The following BAHD1 variants were observed in gnomAD, a reference collection of about 807,000 sequenced individuals.
BAHD1 encodes the protein bromo adjacent homology domain containing 1, also known as bromo adjacent homology domain-containing 1 protein.
BAHD1 carries 20 observed loss-of-function variants against 63.1 expected under a neutral mutation model. The ratio of observed to expected loss-of-function variants is 0.32; its 90% CI spans 0.22 to 0.46. The LOEUF (loss-of-function observed/expected upper bound fraction) is 0.46. Among genes scored for constraint, BAHD1 ranks in the 20% least tolerant of loss-of-function variants. BAHD1 has a pLI of 1.00. For synonymous variants in BAHD1, 408 were observed against 426.8 expected, an observed-to-expected ratio of 0.96 and a Z score of 0.54; for missense variants, 939 against 1,071.8, an observed-to-expected ratio of 0.88 and a Z score of 1.73.
In BAHD1 at chr15:40,467,992, A is replaced by T. The variant is rs777730689; in HGVS notation, c.*1862A>T. On this transcript the variant is annotated 3_prime_UTR_variant, in exon 7 of 7. Coordinates refer to ENST00000416165, the MANE Select transcript of BAHD1 (RefSeq NM_014952.5). ...CTTTTGAAATCTCTTAGATGTGGAA[A>T]TATTTTTTCGAACCTGAAAATGCAG... The T allele has an allele frequency of 6.6e-6, 1 of 152,648 alleles. No homozygotes were observed. Among genetic ancestry groups the T allele is most frequent in the Non-Finnish European group, 1.5e-5 (1 of 68,046 alleles). The allele number at this position is 152,648 out of a possible 1,614,324, so 9.5% of individuals were successfully genotyped here.
chr15:40,456,977 T>C (rs1322570525), intron 1 of BAHD1, among the ~76,000 whole-genome samples: 1 of 152,204 alleles, frequency 6.6e-6, no homozygotes, highest in African/African-American at 2.4e-5. Flanking sequence ...CAGCTTCCAG[T>C]GCACAGCCAG....
chr15:40,465,077 G>T, intron 5 of BAHD1: 1 of 529,610 alleles, frequency 1.9e-6, no homozygotes, highest in Non-Finnish European at 3.4e-6. Context: ...ACGCTAGGCA[G>T]GGCTGGGGTT....
At chr15:40,456,114 G>A (rs560415510) in intron 1 of BAHD1, among the ~76,000 whole-genome samples, 111 of 152,220 alleles carry the variant, frequency 7.3e-4, no homozygotes, top group African/African-American at 2.2e-3. Context: ...CTGGGACTAC[G>A]GGCTCATGCC....
chr15:40,462,896 T>C (rs1010646871), intron 3 of BAHD1, among the ~76,000 whole-genome samples: 1 of 151,894 alleles, frequency 6.6e-6, no homozygotes, highest in Non-Finnish European at 1.5e-5. Flanking sequence ...ATTGCTTAGG[T>C]CCAGGAGTTC....
chr15:40,464,050 G>A (rs1385848060), intron 4 of BAHD1, 30 bp downstream of exon 4: 1 of 1,610,952 alleles, frequency 6.2e-7, no homozygotes, highest in East Asian at 2.2e-5. Flanking sequence ...GGGACCCAAG[G>A]GGCAGCTGCC....
intron 1 of BAHD1, among the ~76,000 whole-genome samples, chr15:40,456,809 G>A (rs150993986): frequency 1.3e-5 from 2 of 152,362 alleles, no homozygotes; most frequent in African/African-American, 4.8e-5. Context: ...ACCTGGGCCC[G>A]CTGGGTGGGG....
chr15:40,452,903 A>G (rs915131300), intron 1 of BAHD1, among the ~76,000 whole-genome samples: 2 of 152,212 alleles, frequency 1.3e-5, no homozygotes, highest in Non-Finnish European at 2.9e-5. Flanking sequence ...TGCAAGGGAA[A>G]AGGAGTGTCA....
intron 5 of BAHD1, 54 bp downstream of exon 5, chr15:40,464,601 T>C: frequency 2.7e-6 from 4 of 1,490,804 alleles, no homozygotes; most frequent in African/African-American, 1.4e-5. Context: ...AGGGAAAGGT[T>C]ATGGCACTAA....
At chr15:40,443,920 C>T (rs1244535197) in intron 1 of BAHD1, among the ~76,000 whole-genome samples, 2 of 152,146 alleles carry the variant, frequency 1.3e-5, no homozygotes, top group Non-Finnish European at 1.5e-5. Context: ...TCACTGCTGC[C>T]GCTCCCCTTC....
chr15:40,454,749 G>C (rs1359603078), intron 1 of BAHD1: 4 of 152,284 alleles, frequency 2.6e-5, no homozygotes, highest in African/African-American at 9.6e-5. Flanking sequence ...ATAGTGCTGA[G>C]AGAACCCAGC....
chr15:40,439,053 G>A (rs545508076), upstream of BAHD1, among the ~76,000 whole-genome samples: 25 of 152,308 alleles, frequency 1.6e-4, no homozygotes, highest in Non-Finnish European at 3.4e-4. Flanking sequence ...GGGGAGTAGG[G>A]CTGGCCTGGT....
Position 40,466,232 on chromosome 15 carries a change from A to T in BAHD1, c.*102A>T. 114 of 785,754 alleles carry T rather than the reference A, an allele frequency of 1.5e-4. No homozygotes were observed. Among genetic ancestry groups the T allele is most frequent in the Middle Eastern group, 4.3e-4 (1 of 2,328 alleles). 48.7% of individuals were successfully genotyped at this position (785,754 alleles called of 1,614,324 possible). On this transcript the variant is annotated 3_prime_UTR_variant, in exon 7 of 7. Transcript: ENST00000416165. ...TTGGTTAGGGGGCCACAGAGGCCTAAGTTTGCTGGCCTGTGGTTTTCTTGG... is the reference window on the plus strand; with the variant it reads ...TTGGTTAGGGGGCCACAGAGGCCTATGTTTGCTGGCCTGTGGTTTTCTTGG...
At chr15:40,445,265 A>AAC (rs1261467620) in intron 1 of BAHD1, among the ~76,000 whole-genome samples, 2 of 151,388 alleles carry the variant, frequency 1.3e-5, no homozygotes, top group African/African-American at 4.9e-5. Flanking sequence ...GTAAAAAAAA[A>AAC]AAAAAAAAAA....
chr15:40,464,700 G>C, intron 5 of BAHD1, 153 bp downstream of exon 5: 1 of 633,146 alleles, frequency 1.6e-6, no homozygotes, highest in Non-Finnish European at 2.8e-6. Flanking sequence ...AAGGGCCCAG[G>C]ATTTATTCTC....
intron 1 of BAHD1, among the ~76,000 whole-genome samples, chr15:40,448,303 T>C (rs1228955805): frequency 6.6e-6 from 1 of 152,170 alleles, no homozygotes; most frequent in East Asian, 1.9e-4. Flanking sequence ...TTCTAGCCCA[T>C]AGATGCCATT....
chr15:40,450,248 C>G (rs948518498), intron 1 of BAHD1, among the ~76,000 whole-genome samples: 1 of 152,182 alleles, frequency 6.6e-6, no homozygotes, highest in African/African-American at 2.4e-5. Flanking sequence ...TCTGCTCCTG[C>G]TAGTGGAGTG....
intron 1 of BAHD1, among the ~76,000 whole-genome samples, chr15:40,447,528 A>G (rs1471595149): frequency 1.3e-5 from 2 of 151,750 alleles, no homozygotes; most frequent in African/African-American, 2.4e-5. Flanking sequence ...AGTGCACTCC[A>G]GTCTGGGCGA....
At chr15:40,464,915 ACTC>A in intron 5 of BAHD1, 1 of 369,542 alleles carries the variant, frequency 2.7e-6, no homozygotes, top group South Asian at 3.3e-5. Context: ...GGGAGGAAAG[ACTC>A]CTCCTAACAC....
Position 40,461,899 on chromosome 15 carries a change from C to T in BAHD1, c.1433-13C>T. 1.3e-6 allele frequency: 2 copies of T among 1,579,442 alleles called. No individual in the cohort carries two copies. The highest frequency in any genetic ancestry group is 4.5e-5 in the East Asian group (2 of 44,348). On this transcript the variant is annotated splice_polypyrimidine_tract_variant and intron_variant, in intron 2 of 6. Coordinates refer to ENST00000416165, the MANE Select transcript of BAHD1 (RefSeq NM_014952.5). ...CTGCTTGTCCTGTCCTGACCACTCT[C>T]TCCCTTTCCTAGAAGGCTGCAGATC...
Sources: gnomAD v4.1 joint callset for allele counts (sites outside exome capture counted in the v4.1 genomes callset) on GRCh38, gnomAD v4.1.1 for gene constraint, MANE v1.5 for transcripts, NCBI Gene and HGNC (gene_info 2026-07-23, HGNC 2026-07-21) for gene names.